SPANXN3: variants seen among roughly 807,000 people sequenced by gnomAD.
SPANXN3 encodes sperm protein associated with the nucleus on the X chromosome N3.
SPANXN3 carries 1 observed loss-of-function variant against 1.9 expected under a neutral mutation model. That is an observed-to-expected ratio of 0.54 (90% CI 0.19 to 2.54). SPANXN3 has a LOEUF of 2.54. Ranked by LOEUF, SPANXN3 falls within the 30% of genes most tolerant of loss-of-function variation. The pLI is 0.24. For missense variants in SPANXN3, 113 were observed against 96.2 expected (o/e 1.17, Z -0.73); for synonymous variants, 47 against 40.0 (o/e 1.17, Z -0.66).
intron 1 of SPANXN3, among the ~76,000 whole-genome samples, chrX:143,510,911 T>C (rs782480663): frequency 1.8e-5 from 2 of 110,644 alleles, no homozygotes; most frequent in South Asian, 8.0e-4. Context: ...AACGCTCTTT[T>C]GCCGAAAACC....
Position 143,509,174 on chromosome X carries a change from A to T in SPANXN3, c.79-12T>A, listed in dbSNP as rs1929032815. 1 of 1,180,738 alleles carries T rather than the reference A, an allele frequency of 8.5e-7. No homozygotes were observed. The highest frequency in any genetic ancestry group is 1.9e-5 in the South Asian group (1 of 53,584). ...GGTACCTCTTGCATCTGGTAAGAAA[A>T]TAGGGAGAGGCCAGAAAGACATTAT... On this transcript the variant is annotated splice_polypyrimidine_tract_variant and intron_variant, in intron 1 of 1. Coordinates refer to ENST00000370503, the MANE Select transcript of SPANXN3 (RefSeq NM_001009609.4).
intron 1 of SPANXN3, among the ~76,000 whole-genome samples, chrX:143,513,773 C>T (rs1481278882): frequency 8.9e-6 from 1 of 111,864 alleles, no homozygotes; most frequent in Non-Finnish European, 1.9e-5. Context: ...AACACATACA[C>T]GGTTAGTTAA....
At chrX:143,515,355 C>T (rs782121377) in intron 1 of SPANXN3, among the ~76,000 whole-genome samples, 7 of 111,655 alleles carry the variant, frequency 6.3e-5, no homozygotes, top group African/African-American at 2.3e-4. Flanking sequence ...CTGTACTTAA[C>T]AAGAATTCCA....
At chrX:143,517,012 C>G (rs190401636) in intron 1 of SPANXN3, among the ~76,000 whole-genome samples, 6 of 111,650 alleles carry the variant, frequency 5.4e-5, no homozygotes, top group East Asian at 2.8e-4. Context: ...ACTTTCCTAT[C>G]ATATCTTGCT....
rs1556411200 is a variant in SPANXN3, at chrX:143,508,792, CA to C, written c.*22del. The stretch of plus-strand genomic sequence containing the variant: ...TCGCCATCAGTGGTGATGATTTGTC[CA>C]ATTTGGTTTCTCCATGTGTGACTAA... On this transcript the variant is annotated 3_prime_UTR_variant, in exon 2 of 2. Transcript: ENST00000370503. 8.7e-7 allele frequency: 1 copy of C among 1,149,450 alleles called. No individual in the cohort carries two copies. 94.7% of individuals were successfully genotyped at this position (1,149,450 alleles called of 1,213,427 possible). A position where few individuals can be genotyped will look rare whatever the true frequency, so the allele number is the denominator to read the frequency against.
At position 143,508,786 on chromosome X, in the gene SPANXN3, T is replaced by C; in HGVS notation, c.*29A>G. 1 of 1,123,017 alleles carries C rather than the reference T, an allele frequency of 8.9e-7. No individual in the cohort carries two copies. The highest frequency in any genetic ancestry group is 1.2e-6 in the Non-Finnish European group (1 of 822,821). The allele number at this position is 1,123,017 out of a possible 1,213,427, so 92.5% of individuals were successfully genotyped here. A position where few individuals can be genotyped will look rare whatever the true frequency, so the allele number is the denominator to read the frequency against. On this transcript the variant is annotated 3_prime_UTR_variant, in exon 2 of 2. Transcript: ENST00000370503. Reference sequence around the variant, plus strand: ...TAATCATCGCCATCAGTGGTGATGATTTGTCCAATTTGGTTTCTCCATGTG... The same window carrying C: ...TAATCATCGCCATCAGTGGTGATGACTTGTCCAATTTGGTTTCTCCATGTG...
chrX:143,513,313 T>G (rs1929139490), intron 1 of SPANXN3, among the ~76,000 whole-genome samples: 1 of 112,070 alleles, frequency 8.9e-6, no homozygotes, highest in Non-Finnish European at 1.9e-5. Flanking sequence ...TGTATGTACA[T>G]TCTGACCAGG....
chrX:143,513,358 C>T (rs1556412029), intron 1 of SPANXN3, among the ~76,000 whole-genome samples: 2 of 112,287 alleles, frequency 1.8e-5, no homozygotes, highest in African/African-American at 6.5e-5. Flanking sequence ...AAACATACGG[C>T]AACGCCACAC....
At chrX:143,515,885 G>T (rs1428026488) in intron 1 of SPANXN3, among the ~76,000 whole-genome samples, 1 of 111,655 alleles carries the variant, frequency 9.0e-6, no homozygotes, top group Non-Finnish European at 1.9e-5. Flanking sequence ...ATCACATACA[G>T]GGCTGTCACC....
chrX:143,516,612 T>C (rs1405260222), intron 1 of SPANXN3: 2 of 111,915 alleles, frequency 1.8e-5, no homozygotes, highest in African/African-American at 6.5e-5. Context: ...CATGTATATT[T>C]ACCTTCATAT....
intron 1 of SPANXN3, 98 bp from the exon 2 acceptor site, chrX:143,509,260 G>A: frequency 1.5e-6 from 1 of 669,993 alleles, no homozygotes; most frequent in Non-Finnish European, 2.3e-6. Flanking sequence ...GAATGCAGGT[G>A]GAGGAAGGGG....
intron 1 of SPANXN3, among the ~76,000 whole-genome samples, chrX:143,513,601 C>T (rs1423126967): frequency 1.8e-5 from 2 of 111,340 alleles, no homozygotes; most frequent in African/African-American, 3.3e-5. Context: ...ATGCCTTATT[C>T]CTAGGTAGCC....
At chrX:143,514,125 G>A (rs1283436127) in intron 1 of SPANXN3, among the ~76,000 whole-genome samples, 23 of 112,019 alleles carry the variant, frequency 2.1e-4, no homozygotes, top group African/African-American at 7.1e-4. Flanking sequence ...AAGGGGTGCC[G>A]AAAGTCTAAA....
chrX:143,513,572 T>C (rs1157847229), intron 1 of SPANXN3, among the ~76,000 whole-genome samples: 1 of 111,472 alleles, frequency 9.0e-6, no homozygotes, highest in Admixed American at 9.5e-5. Flanking sequence ...CCTCCTACCA[T>C]CCTGCTTATA....
chrX:143,509,023 G>A lies in SPANXN3; in HGVS notation c.218C>T (p.Ser73Phe), dbSNP rs1556411264. Reference sequence around the variant, plus strand: ...GATTGGATTGATGGAGTTCTCTTGGGACTGTTCATTCTCCAGTTGATTTGA... The same window carrying A: ...GATTGGATTGATGGAGTTCTCTTGGAACTGTTCATTCTCCAGTTGATTTGA... ...INSNQLENEQ[S>F]QENSINPIQK... Residue 73 changes from serine (S) to phenylalanine (F), a missense_variant, in exon 2 of 2, where the codon TCC becomes TTC. Ser to Phe is a radical substitution (Grantham distance 155, BLOSUM62 -2). Coordinates refer to ENST00000370503, the MANE Select transcript of SPANXN3 (RefSeq NM_001009609.4). 11 of 1,211,707 alleles carry A rather than the reference G, an allele frequency of 9.1e-6. No homozygotes were observed. The East Asian group carries it at 3.3e-4, about 36-fold the overall frequency.
At chrX:143,512,008 G>T (rs781818358) in intron 1 of SPANXN3, among the ~76,000 whole-genome samples, 1 of 110,480 alleles carries the variant, frequency 9.1e-6, no homozygotes, top group Admixed American at 9.6e-5. Context: ...TCTGTTCTTC[G>T]ATCTCTATTG....
chrX:143,510,177 G>C (rs1207474746), intron 1 of SPANXN3: 3 of 111,233 alleles, frequency 2.7e-5, no homozygotes, highest in Middle Eastern at 4.7e-3. Context: ...TCCAACACTG[G>C]GCTTCAATTC....
At chrX:143,513,717 C>T (rs1373552815) in intron 1 of SPANXN3, among the ~76,000 whole-genome samples, 1 of 111,968 alleles carries the variant, frequency 8.9e-6, no homozygotes, top group Admixed American at 9.4e-5. Flanking sequence ...CTCTTAGACT[C>T]CCTCTCCTCC....
intron 1 of SPANXN3, among the ~76,000 whole-genome samples, chrX:143,514,773 T>G (rs1275505921): frequency 8.9e-6 from 1 of 111,755 alleles, no homozygotes; most frequent in East Asian, 2.8e-4. Flanking sequence ...GTAAAGGCTG[T>G]AAACATTAAA....
Sources: allele counts gnomAD v4.1 joint callset (sites outside exome capture counted in the v4.1 genomes callset), GRCh38; gene constraint gnomAD v4.1.1; transcripts MANE v1.5; gene names NCBI Gene and HGNC (gene_info 2026-07-23, HGNC 2026-07-21).